Variants in UNC13A observed in about 807,000 individuals in gnomAD.
UNC13A encodes the protein protein unc-13 homolog A.
A neutral mutation model predicts 219.7 loss-of-function variants in UNC13A; 61 were observed. The observed-to-expected ratio is 0.28, with a 90% CI of 0.23 to 0.34. The LOEUF is 0.34. UNC13A is among the 10% of genes least tolerant of loss of function. The pLI, the probability that UNC13A is intolerant of heterozygous loss-of-function variation, is 1.00. For missense variants in UNC13A, 1,476 were observed against 2,270.3 expected (o/e 0.65, Z 7.11); for synonymous variants, 920 against 884.6 (o/e 1.04, Z -0.71).
At position 17,602,046 on chromosome 19, in the gene UNC13A, G is replaced by A. The variant is rs2144880990; in HGVS notation, c.*4008C>T. 6.5e-6 allele frequency: 1 copy of A among 152,754 alleles called. No homozygotes were observed. Among genetic ancestry groups the A allele is most frequent in the Non-Finnish European group, 1.5e-5 (1 of 68,098 alleles). 9.5% of individuals were successfully genotyped at this position (152,754 alleles called of 1,614,324 possible). ...AGAAAGGCTCTGAGATCCCAGCCGA[G>A]AGAGGTCCCAAGGATTTCTAGTTGG... On this transcript the variant is annotated 3_prime_UTR_variant, in exon 44 of 44. Coordinates refer to ENST00000519716, the MANE Select transcript of UNC13A (RefSeq NM_001080421.3).
chr19:17,682,014 G>A (rs1404072741), intron 1 of UNC13A, among the ~76,000 whole-genome samples: 2 of 148,570 alleles, frequency 1.3e-5, no homozygotes, highest in African/African-American at 5.0e-5. Context: ...GTGCAGTGGC[G>A]CGACCTCGGC....
In UNC13A at chr19:17,656,367, C is replaced by A; in HGVS notation, c.799G>T (p.Gly267Trp). ...PTGSSRYASS[G>W]ELSQGSSQLS... ...TGAGAGCTTCCCTGGCTCAGCTCCC[C>A]GGAAGAGGCATAGCGGCTGCTACCC... Residue 267 changes from glycine to tryptophan, a missense_variant, in exon 10 of 44, where the codon GGG becomes TGG. Physicochemically the swap from Gly to Trp is radical, Grantham distance 184 (BLOSUM62 -2). Coordinates refer to ENST00000519716, the MANE Select transcript of UNC13A (RefSeq NM_001080421.3). 1 of 1,551,930 alleles carries A rather than the reference C, an allele frequency of 6.4e-7. No homozygotes were observed. The highest frequency in any genetic ancestry group is 2.4e-5 in the East Asian group (1 of 41,652).
chr19:17,624,013 C>T (rs1367948543), intron 35 of UNC13A, among the ~76,000 whole-genome samples: 1 of 152,112 alleles, frequency 6.6e-6, no homozygotes, highest in East Asian at 1.9e-4. Flanking sequence ...CTTCCAGGAG[C>T]CCCTTGGTCT....
chr19:17,609,329 C>T (rs145520874), intron 43 of UNC13A, among the ~76,000 whole-genome samples: 1 of 152,052 alleles, frequency 6.6e-6, no homozygotes, highest in African/African-American at 2.4e-5. Flanking sequence ...ATCCTGATAC[C>T]CGCAGCCTAG....
In UNC13A at chr19:17,674,801, T is replaced by A; in HGVS notation, c.53-45A>T. The A allele has an allele frequency of 6.7e-7, 1 of 1,502,928 alleles. No individual in the cohort carries two copies. Among genetic ancestry groups the A allele is most frequent in the Non-Finnish European group, 9.3e-7 (1 of 1,079,632 alleles). 93.1% of individuals were successfully genotyped at this position (1,502,928 alleles called of 1,614,324 possible). A position where few individuals can be genotyped will look rare whatever the true frequency, so the allele number is the denominator to read the frequency against. On this transcript the variant is annotated intron_variant, in intron 2 of 43. Coordinates refer to ENST00000519716, the MANE Select transcript of UNC13A (RefSeq NM_001080421.3). This position sits in a 1 kb window ranked among gnomAD's most constrained non-coding sequence, Gnocchi z 5.0. ...GGTCAGCGCTGGGGCTCAGGGACTCTCCAATGCCCCTTCCCAAGCTCTAGA... is the reference window on the plus strand; with the variant it reads ...GGTCAGCGCTGGGGCTCAGGGACTCACCAATGCCCCTTCCCAAGCTCTAGA...
chr19:17,642,649 T>C (rs79114884), intron 20 of UNC13A, among the ~76,000 whole-genome samples, 196 bp downstream of exon 20: 1 of 152,194 alleles, frequency 6.6e-6, no homozygotes, highest in African/African-American at 2.4e-5. Context: ...GAGGCCAAGG[T>C]GGGCTTCCCA....
At chr19:17,637,012 T>C (rs1342260737) in intron 25 of UNC13A, among the ~76,000 whole-genome samples, 1 of 152,028 alleles carries the variant, frequency 6.6e-6, no homozygotes, top group African/African-American at 2.4e-5. Context: ...AGTCTCATTC[T>C]GTCACCCAGG....
In UNC13A at chr19:17,608,244, TATATA is replaced by T. The variant is rs1328078359; in HGVS notation, c.4811+1691_4811+1695del. Among the ~76,000 whole-genome samples, 35 of 142,154 alleles carry T rather than the reference TATATA, an allele frequency of 2.5e-4. No homozygotes were observed. In the East Asian group the frequency reaches 5.7e-3, roughly 23 times the overall value. The allele number at this position is 142,154 out of a possible 152,430, so 93.3% of individuals were successfully genotyped here. A position where few individuals can be genotyped will look rare whatever the true frequency, so the allele number is the denominator to read the frequency against. On this transcript the variant is annotated intron_variant, in intron 43 of 43. Coordinates refer to ENST00000519716, the MANE Select transcript of UNC13A (RefSeq NM_001080421.3). ...TTTGTATATACTATATTATATACAA[TATATA>T]ATATATGAAATATATAATATATATA...
intron 8 of UNC13A, among the ~76,000 whole-genome samples, chr19:17,659,361 G>T (rs6512206): frequency 0.9 from 136,360 of 152,192 alleles, 61,867 homozygotes; most frequent in Middle Eastern, 0.98. Flanking sequence ...GAGAATCTCT[G>T]GAACCCAGGA....
chr19:17,627,884 G>A lies in UNC13A; in HGVS notation c.3810C>T (p.Phe1270=), dbSNP rs756944740. Residue 1270 remains phenylalanine, a synonymous_variant, in exon 32 of 44, where the codon TTC becomes TTT. Transcript: ENST00000519716. This position sits in a 1 kb window ranked among gnomAD's most constrained non-coding sequence, Gnocchi z 4.7. Reference sequence around the variant, plus strand: ...TCACCTCCTTTCCTCCCATGGCTTCGAACATCTTCTCCAGCTGAACTCGTA... The same window carrying A: ...TCACCTCCTTTCCTCCCATGGCTTCAAACATCTTCTCCAGCTGAACTCGTA... ...QQLRVQLEKM[F]EAMGGKELDA... is the part of the protein sequence containing the mutation. 1.3e-5 allele frequency: 21 copies of A among 1,604,562 alleles called. No individual in the cohort carries two copies. The South Asian group carries it at 1.7e-4, about 13-fold the overall frequency.
rs1259559320 is a variant in UNC13A at position 17,648,908 on chromosome 19, G to A, written c.1596+4C>T. Reference sequence around the variant, plus strand: ...ACCCGGGGAAAAAGAGGTGCCCCACGCACCAGCTCCTCGTTGTTCAACGTG... The same window carrying A: ...ACCCGGGGAAAAAGAGGTGCCCCACACACCAGCTCCTCGTTGTTCAACGTG... On this transcript the variant is annotated splice_donor_region_variant and intron_variant, in intron 15 of 43. Transcript: ENST00000519716. The A allele has an allele frequency of 6.3e-7, 1 of 1,590,734 alleles. No homozygotes were observed. The highest frequency in any genetic ancestry group is 8.6e-7 in the Non-Finnish European group (1 of 1,169,348).
In UNC13A at chr19:17,666,435, G is replaced by A. The variant is rs117539169; in HGVS notation, c.523+215C>T. Among the ~76,000 whole-genome samples the A allele has an allele frequency of 7.9e-3, 1,195 of 151,990 alleles. 4 individuals carry two copies. Among genetic ancestry groups the A allele is most frequent in the Non-Finnish European group, 0.012 (842 of 67,934 alleles). On this transcript the variant is annotated intron_variant, in intron 7 of 43. Coordinates refer to ENST00000519716, the MANE Select transcript of UNC13A (RefSeq NM_001080421.3). ...TTGCCCTGTTGGCCAGGCTGGTCTC[G>A]AACTCCTGACCTCGGCTTCCCAAAG... is the stretch of plus-strand genomic sequence containing the variant.
At chr19:17,682,339 T>C (rs1287462485) in intron 1 of UNC13A, among the ~76,000 whole-genome samples, 1 of 152,172 alleles carries the variant, frequency 6.6e-6, no homozygotes, top group Non-Finnish European at 1.5e-5. Flanking sequence ...GCAAGCCTCA[T>C]TAGAGAGTTC....
chr19:17,686,102 C>T (rs374070600), intron 1 of UNC13A, among the ~76,000 whole-genome samples: 7 of 147,822 alleles, frequency 4.7e-5, no homozygotes, highest in African/African-American at 1.7e-4. Flanking sequence ...CAACCTCTTC[C>T]CCAGCCTTGC....
chr19:17,647,225 TG>T lies in UNC13A; in HGVS notation c.2044+39del, dbSNP rs762067497. 6 of 1,524,788 alleles carry T rather than the reference TG, an allele frequency of 3.9e-6. No individual in the cohort carries two copies. The South Asian group carries it at 7.3e-5, about 18-fold the overall frequency. 94.5% of individuals were successfully genotyped at this position (1,524,788 alleles called of 1,614,324 possible). A position where few individuals can be genotyped will look rare whatever the true frequency, so the allele number is the denominator to read the frequency against. ...AGGGCATGAGACAGGTCTCAGAGGGTGGAGAAGGAGGGGCCCTATGGCGGCC... is the reference window on the plus strand; with the variant it reads ...AGGGCATGAGACAGGTCTCAGAGGGTGAGAAGGAGGGGCCCTATGGCGGCC... On this transcript the variant is annotated intron_variant, in intron 17 of 43. Coordinates refer to ENST00000519716, the MANE Select transcript of UNC13A (RefSeq NM_001080421.3).
intron 19 of UNC13A, 147 bp downstream of exon 19, chr19:17,645,527 G>T: frequency 8.6e-7 from 1 of 1,156,702 alleles, no homozygotes; most frequent in Non-Finnish European, 1.2e-6. Flanking sequence ...CATCAAACTG[G>T]GCTCCTAGAC....
At position 17,655,329 on chromosome 19, in the gene UNC13A, C is replaced by T. The variant is rs2079430093; in HGVS notation, c.1337G>A (p.Arg446Lys). The change falls in exon 11 of 44, where the codon AGG becomes AAG. Residue 446 changes from arginine (R) to lysine (K), a missense_variant. Physicochemically the swap from Arg to Lys is conservative, Grantham distance 26. This residue lies in a region of UNC13A where 351 missense variants were observed against 342.6 expected (regional missense o/e 1.02). Transcript: ENST00000519716. ...GGCACGCAGCCAGTTGGCCTTGGCC[C>T]TGGACATGGAGTCCTGCCCCTCCTG... is the stretch of plus-strand genomic sequence containing the variant. ...EGQEGQDSMS[R>K]AKANWLRAFN... The T allele has an allele frequency of 6.3e-7, 1 of 1,592,824 alleles. No homozygotes were observed. Among genetic ancestry groups the T allele is most frequent in the Admixed American group, 1.8e-5 (1 of 56,918 alleles).
At chr19:17,677,033 T>C (rs1026391907) in intron 1 of UNC13A, among the ~76,000 whole-genome samples, 7 of 152,018 alleles carry the variant, frequency 4.6e-5, no homozygotes, top group Admixed American at 3.9e-4. Flanking sequence ...CCAAAAGTAA[T>C]GTACAGGGAG....
At chr19:17,632,968 G>C in intron 27 of UNC13A, 60 bp from the exon 28 acceptor site, 4 of 1,612,054 alleles carry the variant, frequency 2.5e-6, no homozygotes, top group East Asian at 2.2e-5. Context: ...TGTCTCGGCA[G>C]AGAGGCTGCC....
Sources: allele counts gnomAD v4.1 joint callset (sites outside exome capture counted in the v4.1 genomes callset), GRCh38; gene constraint gnomAD v4.1.1; regional missense constraint gnomAD v4.1.1; non-coding constraint Gnocchi (gnomAD v3.1); transcripts MANE v1.5; gene names NCBI Gene and HGNC (gene_info 2026-07-23, HGNC 2026-07-21).